Variants in NME9 observed in about 807,000 individuals in gnomAD.
NME9 encodes thioredoxin domain-containing protein 6.
In NME9, 48 loss-of-function variants were observed where a neutral mutation model predicts 44.4. That is an observed-to-expected ratio of 1.08 (90% CI 0.86 to 1.37). The LOEUF is 1.37. NME9 is among the 40% of genes most tolerant of loss of function. The probability of loss-of-function intolerance (pLI) is 0.00; values close to 1 mark genes in which losing one functional copy is unlikely to be tolerated. For synonymous variants in NME9, 139 were observed against 147.1 expected, an observed-to-expected ratio of 0.94 and a Z score of 0.40; for missense variants, 325 against 405.2, an observed-to-expected ratio of 0.80 and a Z score of 1.70.
At chr3:138,307,053 A>C (rs566750022) in intron 6 of NME9, among the ~76,000 whole-genome samples, 2 of 152,134 alleles carry the variant, frequency 1.3e-5, no homozygotes, top group Non-Finnish European at 2.9e-5. Context: ...CCAGGCCCTG[A>C]GTCTGCATGA....
chr3:138,273,133 A>G, intron 8 of NME9: 1 of 1,599,306 alleles, frequency 6.3e-7, no homozygotes. Flanking sequence ...AAAATCACCC[A>G]GGCTTCCAAA....
At chr3:138,318,082 T>G in intron 4 of NME9, 66 bp downstream of exon 4, 1 of 978,898 alleles carries the variant, frequency 1.0e-6, no homozygotes, top group South Asian at 1.3e-5. Context: ...GTCAGTGAGA[T>G]GCTTCTATTT....
intron 1 of NME9, among the ~76,000 whole-genome samples, chr3:138,328,451 G>C (rs1335788782): frequency 1.3e-5 from 2 of 150,302 alleles, no homozygotes; most frequent in Non-Finnish European, 2.9e-5. Flanking sequence ...GCAAACTGCT[G>C]GTCCTGCTGA....
chr3:138,315,506 A>G (rs1246082908), intron 5 of NME9, 21 bp downstream of exon 5: 3 of 1,502,196 alleles, frequency 2.0e-6, no homozygotes, highest in East Asian at 4.9e-5. Context: ...TTAGCTGCTT[A>G]TAGAAGTGAC....
chr3:138,314,217 A>G, intron 6 of NME9, 115 bp downstream of exon 6: 4 of 580,368 alleles, frequency 6.9e-6, no homozygotes, highest in Non-Finnish European at 1.2e-5. Flanking sequence ...TGAACCATTA[A>G]AAAATCTTCT....
chr3:138,270,120 T>G (rs2048650743), intron 8 of NME9: 2 of 1,611,134 alleles, frequency 1.2e-6, no homozygotes, highest in Non-Finnish European at 1.7e-6. Flanking sequence ...TGAATGGAAT[T>G]TGGGCTTTAA....
intron 8 of NME9, among the ~76,000 whole-genome samples, chr3:138,295,147 C>T (rs1410789755): frequency 1.3e-5 from 2 of 152,138 alleles, no homozygotes; most frequent in African/African-American, 2.4e-5. Flanking sequence ...GATCTGCCCT[C>T]CTCAGCCTCC....
chr3:138,290,540 G>A (rs372533220), intron 8 of NME9: 17 of 1,593,260 alleles, frequency 1.1e-5, no homozygotes, highest in East Asian at 2.3e-5. Context: ...GGCTTTAATC[G>A]TTTAGGTTCA....
chr3:138,320,883 C>A (rs1380861200), intron 2 of NME9, among the ~76,000 whole-genome samples: 1 of 152,146 alleles, frequency 6.6e-6, no homozygotes, highest in Non-Finnish European at 1.5e-5. Flanking sequence ...GAAGCTCTAT[C>A]CTGAATCACT....
At chr3:138,264,664 C>T (rs1485549465) in intron 8 of NME9, among the ~76,000 whole-genome samples, 6 of 151,724 alleles carry the variant, frequency 4.0e-5, no homozygotes, top group Admixed American at 1.3e-4. Context: ...GTGATCTGCC[C>T]GCCTCGGCCC....
At chr3:138,273,177 GCT>G in intron 8 of NME9, 1 of 1,495,158 alleles carries the variant, frequency 6.7e-7, no homozygotes, top group Non-Finnish European at 9.1e-7. Context: ...GCAAGACATT[GCT>G]CTCTCTCTGT....
At chr3:138,323,815 G>T (rs1413845098) in intron 2 of NME9, among the ~76,000 whole-genome samples, 1 of 152,136 alleles carries the variant, frequency 6.6e-6, no homozygotes, top group Non-Finnish European at 1.5e-5. Flanking sequence ...AGAGCACAGA[G>T]ATATCTACAG....
intron 8 of NME9, among the ~76,000 whole-genome samples, chr3:138,265,698 G>A (rs1022495200): frequency 1.3e-5 from 2 of 152,132 alleles, no homozygotes; most frequent in African/African-American, 2.4e-5. Context: ...TGTAGGGAAC[G>A]GCAAGTATAC....
intron 2 of NME9, among the ~76,000 whole-genome samples, chr3:138,323,808 G>C (rs926564108): frequency 1.8e-4 from 28 of 152,114 alleles, no homozygotes; most frequent in African/African-American, 6.8e-4. Context: ...GAGTAACAGA[G>C]CACAGAGATA....
At chr3:138,263,639 A>G in intron 8 of NME9, 2 of 1,091,988 alleles carry the variant, frequency 1.8e-6, no homozygotes, top group South Asian at 2.5e-5. Flanking sequence ...GCCAAAAACA[A>G]CGTTAAACTT....
intron 8 of NME9, among the ~76,000 whole-genome samples, chr3:138,279,366 A>G (rs948168210): frequency 6.6e-6 from 1 of 152,166 alleles, no homozygotes; most frequent in African/African-American, 2.4e-5. Context: ...TTCAGTTTCA[A>G]ATGTTAAACT....
intron 8 of NME9, among the ~76,000 whole-genome samples, chr3:138,279,726 G>T (rs2049689026): frequency 6.6e-6 from 1 of 152,108 alleles, no homozygotes; most frequent in Non-Finnish European, 1.5e-5. Flanking sequence ...ATAGAAATAG[G>T]ACTACTCAGG....
chr3:138,263,902 C>A, intron 8 of NME9: 1 of 1,251,240 alleles, frequency 8.0e-7, no homozygotes, highest in Non-Finnish European at 1.2e-6. Flanking sequence ...ACTGAGTAAA[C>A]ACAGACTACA....
At chr3:138,290,506 C>A in intron 8 of NME9, 2 of 1,442,316 alleles carry the variant, frequency 1.4e-6, no homozygotes, top group Non-Finnish European at 1.9e-6. Flanking sequence ...AGAGCATTTG[C>A]CTGGGTCATG....
Sources: gnomAD v4.1 joint callset for allele counts (sites outside exome capture counted in the v4.1 genomes callset) on GRCh38, gnomAD v4.1.1 for gene constraint, MANE v1.5 for transcripts, NCBI Gene and HGNC (gene_info 2026-07-23, HGNC 2026-07-21) for gene names.